The following MFF variants were observed in gnomAD, a reference collection of about 807,000 sequenced individuals.
The protein encoded by MFF is mitochondrial fission factor, also known as chromosome 2 open reading frame 33.
Under a neutral mutation model 36.9 loss-of-function variants are expected in MFF, and 12 were observed. The ratio of observed to expected loss-of-function variants is 0.33; its 90% confidence interval spans 0.21 to 0.53. MFF has a LOEUF of 0.53. Among genes scored for constraint, MFF ranks in the 20% least tolerant of loss-of-function variants. The pLI is 0.95. For synonymous variants in MFF, 99 were observed against 126.2 expected (o/e 0.78, Z 1.44); for missense variants, 348 against 366.6 (o/e 0.95, Z 0.42).
chr2:227,342,898 A>G (rs1438576216), intron 5 of MFF: 7 of 1,269,252 alleles, frequency 5.5e-6, no homozygotes, highest in Non-Finnish European at 8.0e-6. Context: ...TCTATTCACC[A>G]GGTAATTGAC....
rs775273565 is a variant in MFF at position 227,340,396 on chromosome 2, A to G, written c.440+16A>G. Reference sequence around the variant, plus strand: ...ATGATTCTCTGTGAGTAGAAGCACTAGCATTTTATCTCGTTTGTAAGTTTT... The same window carrying G: ...ATGATTCTCTGTGAGTAGAAGCACTGGCATTTTATCTCGTTTGTAAGTTTT... On this transcript the variant is annotated intron_variant, in intron 5 of 8. Coordinates refer to ENST00000304593, the MANE Select transcript of MFF (RefSeq NM_001277062.2). 126 of 1,433,824 alleles carry G rather than the reference A, an allele frequency of 8.8e-5. 3 individuals are homozygous for G. The highest frequency in any genetic ancestry group is 7.8e-4 in the South Asian group (58 of 74,754). The allele number at this position is 1,433,824 out of a possible 1,614,324, so 88.8% of individuals were successfully genotyped here.
chr2:227,340,226 A>T, intron 4 of MFF, 66 bp from the exon 5 acceptor site: 1 of 1,338,112 alleles, frequency 7.5e-7, no homozygotes, highest in South Asian at 1.2e-5. Context: ...GGTTCTTTTG[A>T]TGCTAAGCAG....
chr2:227,329,876 C>T (rs2074446288), intron 2 of MFF: 1 of 774,022 alleles, frequency 1.3e-6, no homozygotes, highest in Non-Finnish European at 2.1e-6. Flanking sequence ...TGCTCTTTTA[C>T]ATTTTTATCA....
chr2:227,347,377 A>C lies in MFF; in HGVS notation c.592A>C (p.Asn198His), dbSNP rs1479861445. The C allele has an allele frequency of 6.2e-7, 1 of 1,613,512 alleles. No individual in the cohort carries two copies. The highest frequency in any genetic ancestry group is 8.5e-7 in the Non-Finnish European group (1 of 1,179,564). The change falls in exon 6 of 9, where the codon AAT becomes CAT. Residue 198 changes from asparagine to histidine, a missense_variant. Transcript: ENST00000304593. ...GCAGATCTTGGATGTGCTGGATGAA[A>C]ATCGCAGGTGATTGGCCATCCGTGA... ...YQQILDVLDE[N>H]RRPVLRGGSA... is the part of the protein sequence containing the mutation.
At chr2:227,349,958 A>C (rs1443481402) in intron 6 of MFF, among the ~76,000 whole-genome samples, 1 of 152,160 alleles carries the variant, frequency 6.6e-6, no homozygotes, top group Non-Finnish European at 1.5e-5. Context: ...AAAAAGAAAA[A>C]AGCTTTCTGC....
intron 4 of MFF, 110 bp downstream of exon 4, chr2:227,332,698 A>AT: frequency 1.4e-6 from 1 of 696,844 alleles, no homozygotes. Context: ...AAAGCTTTCC[A>AT]TATGGAACAT....
At position 227,334,091 on chromosome 2, in the gene MFF, T is replaced by C. The variant is rs965257622; in HGVS notation, c.351+1503T>C. Among the ~76,000 whole-genome samples the C allele has an allele frequency of 8.5e-5, 13 of 152,314 alleles. No homozygotes were observed. The East Asian group carries it at 2.3e-3, about 27-fold the overall frequency. On this transcript the variant is annotated intron_variant, in intron 4 of 8. Coordinates refer to ENST00000304593, the MANE Select transcript of MFF (RefSeq NM_001277062.2). ...TAATTTTGAAGACCTACTTTGCCAT[T>C]TACTAACCACATAACTTTGGGCAAG...
chr2:227,348,046 T>C (rs558092460), intron 6 of MFF, among the ~76,000 whole-genome samples: 1 of 152,220 alleles, frequency 6.6e-6, no homozygotes, highest in Non-Finnish European at 1.5e-5. Flanking sequence ...TACTACATAA[T>C]GTTTTAAAGG....
At chr2:227,349,048 G>A (rs906776979) in intron 6 of MFF, among the ~76,000 whole-genome samples, 9 of 151,992 alleles carry the variant, frequency 5.9e-5, no homozygotes, top group South Asian at 2.1e-4. Context: ...TATTAGGTGC[G>A]AGTATATCAT....
At chr2:227,332,941 C>T (rs2074707245) in intron 4 of MFF, among the ~76,000 whole-genome samples, 2 of 152,152 alleles carry the variant, frequency 1.3e-5, no homozygotes, top group Admixed American at 1.3e-4. Flanking sequence ...GTCTAGCAAA[C>T]AGGGCAAAGA....
chr2:227,347,532 T>A (rs564302802), intron 6 of MFF, 148 bp downstream of exon 6: 2 of 659,368 alleles, frequency 3.0e-6, no homozygotes, highest in African/African-American at 1.8e-5. Flanking sequence ...TACTTTCTTT[T>A]AATTTGAAAT....
At chr2:227,336,132 G>GA (rs2074985044) in intron 4 of MFF, among the ~76,000 whole-genome samples, 1 of 152,234 alleles carries the variant, frequency 6.6e-6, no homozygotes. Flanking sequence ...GAACTGTAAA[G>GA]AAAGAGTTGG....
At chr2:227,345,871 A>T (rs552703255) in intron 5 of MFF, among the ~76,000 whole-genome samples, 1 of 152,080 alleles carries the variant, frequency 6.6e-6, no homozygotes, top group East Asian at 1.9e-4. Context: ...CTTGACACCA[A>T]ATTTGACCTA....
rs557554148 is a variant in MFF, at chr2:227,330,026, A to G, written c.-40-600A>G. ...ACAAACATGAGGATTTATTATTACAAATTCTAAATTTGGTATTCATTGCAT... is the reference window on the plus strand; with the variant it reads ...ACAAACATGAGGATTTATTATTACAGATTCTAAATTTGGTATTCATTGCAT... On this transcript the variant is annotated intron_variant, in intron 2 of 8. Coordinates refer to ENST00000304593, the MANE Select transcript of MFF (RefSeq NM_001277062.2). 2.2e-5 allele frequency: 7 copies of G among 318,382 alleles called. 1 individual carries two copies. The South Asian group carries it at 6.1e-4, about 28-fold the overall frequency. 19.7% of individuals were successfully genotyped at this position (318,382 alleles called of 1,614,324 possible).
intron 1 of MFF, among the ~76,000 whole-genome samples, chr2:227,326,019 G>T (rs932037844): frequency 3.3e-5 from 5 of 152,078 alleles, no homozygotes; most frequent in Admixed American, 6.5e-5. Context: ...TTGCTCTCGG[G>T]TTTCCTTCCA....
intron 3 of MFF, among the ~76,000 whole-genome samples, chr2:227,332,204 C>A (rs1412122696): frequency 6.6e-6 from 1 of 151,532 alleles, no homozygotes; most frequent in Non-Finnish European, 1.5e-5. Context: ...GATCTCTTGA[C>A]CTCGTGATCC....
At chr2:227,326,870 T>G (rs2106327227) in intron 1 of MFF, among the ~76,000 whole-genome samples, 1 of 152,284 alleles carries the variant, frequency 6.6e-6, no homozygotes, top group South Asian at 2.1e-4. Flanking sequence ...TTGACTCAAG[T>G]TGTTTCGGTG....
chr2:227,357,682 T>C lies in MFF; in HGVS notation c.*565T>C, dbSNP rs556641405. 2 of 152,532 alleles carry C rather than the reference T, an allele frequency of 1.3e-5. No individual in the cohort carries two copies. The highest frequency in any genetic ancestry group is 3.9e-4 in the East Asian group (2 of 5,194). The allele number at this position is 152,532 out of a possible 1,614,324, so 9.4% of individuals were successfully genotyped here. ...GATTAATTTCTAACATTGCAGCAGT[T>C]TCATATGTGTGCAATATGTGCATTC... On this transcript the variant is annotated 3_prime_UTR_variant, in exon 9 of 9. Coordinates refer to ENST00000304593, the MANE Select transcript of MFF (RefSeq NM_001277062.2).
At chr2:227,345,855 G>A (rs1468817675) in intron 5 of MFF, among the ~76,000 whole-genome samples, 2 of 152,144 alleles carry the variant, frequency 1.3e-5, no homozygotes, top group Non-Finnish European at 2.9e-5. Flanking sequence ...GAAAATTTGA[G>A]TTTATCTTGA....
Sources: allele counts gnomAD v4.1 joint callset (sites outside exome capture counted in the v4.1 genomes callset), GRCh38; gene constraint gnomAD v4.1.1; transcripts MANE v1.5; gene names NCBI Gene and HGNC (gene_info 2026-07-23, HGNC 2026-07-21).